The following EIF3D variants were observed in gnomAD, a reference collection of about 807,000 sequenced individuals.
EIF3D encodes the protein eIF3 p66.
A neutral mutation model predicts 75.4 loss-of-function variants in EIF3D; 10 were observed. The ratio of observed to expected loss-of-function variants is 0.13; its 90% CI spans 0.08 to 0.22. The LOEUF (loss-of-function observed/expected upper bound fraction) is 0.22. EIF3D is among the 10% of genes least tolerant of loss of function. The pLI is 1.00. For synonymous variants in EIF3D, 246 were observed against 248.3 expected, an observed-to-expected ratio of 0.99 and a Z score of 0.09; for missense variants, 394 against 708.0, an observed-to-expected ratio of 0.56 and a Z score of 5.03.
In EIF3D at chr22:36,511,570, G is replaced by A. The variant is rs1934337222; in HGVS notation, c.1566C>T (p.Leu522=). The change falls in exon 14 of 15, where the codon CTC becomes CTT. Residue 522 remains leucine, a synonymous_variant. Transcript: ENST00000216190. ...PNKQVIRVYS[L]PDGTFSSDED... ...CATCAGAGCTGAAGGTGCCATCAGG[G>A]AGGCTGTAGACACGGATGACCTGCT... 6.2e-7 allele frequency: 1 copy of A among 1,614,054 alleles called. No individual in the cohort carries two copies. The highest frequency in any genetic ancestry group is 8.5e-7 in the Non-Finnish European group (1 of 1,179,984).
intron 8 of EIF3D, 31 bp from the exon 9 acceptor site, chr22:36,518,941 A>G (rs1934469662): frequency 6.2e-7 from 1 of 1,611,200 alleles, no homozygotes; most frequent in Admixed American, 1.7e-5. Context: ...AGAAGATGGA[A>G]AGACACTCCC....
rs1442048740 is a variant in EIF3D, at chr22:36,518,821, A to T, written c.801T>A (p.Ile267=). The change falls in exon 9 of 15, where the codon ATT becomes ATA. Residue 267 remains isoleucine, a synonymous_variant. Coordinates refer to ENST00000216190, the MANE Select transcript of EIF3D (RefSeq NM_003753.4). ...GTTTGGACCCAACTCTCTGGACGAC[A>T]ATATCCCAGGAATACACTGAGCGGG... ...SCTRSVYSWD[I]VVQRVGSKLF... is the part of the protein sequence containing the mutation. The T allele has an allele frequency of 1.9e-6, 3 of 1,614,244 alleles. No homozygotes were observed. The highest frequency in any genetic ancestry group is 1.3e-5 in the African/African-American group (1 of 75,060).
intron 14 of EIF3D, chr22:36,511,220 T>C: frequency 1.2e-6 from 1 of 806,046 alleles, no homozygotes; most frequent in Non-Finnish European, 1.9e-6. Context: ...GAGCGGAGCT[T>C]TTCCCTCTAG....
At position 36,525,645 on chromosome 22, in the gene EIF3D, C is replaced by T. The variant is rs372502917; in HGVS notation, c.169+19G>A. The stretch of plus-strand genomic sequence containing the variant: ...TTCCCAAGGCCCTGATTGGGGCATT[C>T]AGTTGCAGAAACACTTACTTGTGTA... On this transcript the variant is annotated intron_variant, in intron 3 of 14. Transcript: ENST00000216190. 3.7e-6 allele frequency: 6 copies of T among 1,611,760 alleles called. No individual in the cohort carries two copies. Among genetic ancestry groups the T allele is most frequent in the Non-Finnish European group, 5.1e-6 (6 of 1,179,412 alleles).
At chr22:36,515,215 C>A (rs1934403506) in intron 12 of EIF3D, among the ~76,000 whole-genome samples, 1 of 152,212 alleles carries the variant, frequency 6.6e-6, no homozygotes, top group African/African-American at 2.4e-5. Flanking sequence ...TTCTAACCTA[C>A]AAAACCGTGA....
Position 36,510,966 on chromosome 22 carries a change from C to T in EIF3D, c.*21G>A. On this transcript the variant is annotated 3_prime_UTR_variant, in exon 15 of 15. Transcript: ENST00000216190. Reference sequence around the variant, plus strand: ...CTCGTAGTCTCGGTGGAAGGACAAACTCCAGCTCCACATCACTGGTTTAAG... The same window carrying T: ...CTCGTAGTCTCGGTGGAAGGACAAATTCCAGCTCCACATCACTGGTTTAAG... 6.2e-7 allele frequency: 1 copy of T among 1,603,766 alleles called. No homozygotes were observed. The highest frequency in any genetic ancestry group is 8.5e-7 in the Non-Finnish European group (1 of 1,176,112).
rs981561527 is a variant in EIF3D, at chr22:36,510,872, T to C, written c.*115A>G. 3.8e-5 allele frequency: 48 copies of C among 1,253,364 alleles called. 1 individual carries two copies. The South Asian group carries it at 6.5e-4, about 17-fold the overall frequency. 77.6% of individuals were successfully genotyped at this position (1,253,364 alleles called of 1,614,324 possible). On this transcript the variant is annotated 3_prime_UTR_variant, in exon 15 of 15. Transcript: ENST00000216190. ...CGATGAGGGAAAGACTAAACAGATA[T>C]ATATTTTATTTCATCTGCTAAATGT...
chr22:36,526,775 G>C (rs7288480), intron 1 of EIF3D: 27,340 of 152,050 alleles, frequency 0.18, 2,558 homozygotes, highest in Admixed American at 0.21. Flanking sequence ...TTTTAGTGGA[G>C]ACAGGGTTTC....
chr22:36,511,160 AG>A (rs1478159481), intron 14 of EIF3D, 160 bp from the exon 15 acceptor site: 1 of 946,610 alleles, frequency 1.1e-6, no homozygotes. Flanking sequence ...TATTTCCTTC[AG>A]TCACCAGCTG....
chr22:36,525,393 G>A (rs1241302521), intron 3 of EIF3D, among the ~76,000 whole-genome samples: 2 of 151,900 alleles, frequency 1.3e-5, no homozygotes, highest in East Asian at 3.9e-4. Flanking sequence ...ACAGGTGCAC[G>A]CCACCACGCC....
At chr22:36,526,255 C>G in intron 1 of EIF3D, 124 bp from the exon 2 acceptor site, 1 of 1,053,750 alleles carries the variant, frequency 9.5e-7, no homozygotes, top group South Asian at 2.2e-5. Flanking sequence ...AAAATGGAAC[C>G]CTCAACTGTT....
chr22:36,514,058 C>T (rs1312805830), intron 12 of EIF3D, among the ~76,000 whole-genome samples: 1 of 144,446 alleles, frequency 6.9e-6, no homozygotes, highest in Non-Finnish European at 1.5e-5. Flanking sequence ...ATTCAGAAGA[C>T]AGCAAAGCCT....
chr22:36,521,891 C>T (rs1156520996), intron 6 of EIF3D, among the ~76,000 whole-genome samples: 2 of 151,432 alleles, frequency 1.3e-5, no homozygotes, highest in African/African-American at 2.4e-5. Flanking sequence ...GAGCCAAGAT[C>T]GCGCCACTGG....
chr22:36,518,301 G>A (rs960304404), intron 9 of EIF3D, among the ~76,000 whole-genome samples: 39 of 151,236 alleles, frequency 2.6e-4, no homozygotes, highest in Non-Finnish European at 3.3e-4. Flanking sequence ...GACCAGCCTC[G>A]CCAACATGGT....
At chr22:36,524,557 A>G (rs1934565684) in intron 4 of EIF3D, 39 bp downstream of exon 4, 1 of 1,611,890 alleles carries the variant, frequency 6.2e-7, no homozygotes. Context: ...GCCAACAGTA[A>G]CAGCCCCAAG....
At chr22:36,517,527 G>A (rs1384394372) in intron 9 of EIF3D, 96 bp from the exon 10 acceptor site, 1 of 1,404,564 alleles carries the variant, frequency 7.1e-7, no homozygotes, top group Non-Finnish European at 9.4e-7. Flanking sequence ...AACAACACAA[G>A]TCCTTCCTTC....
chr22:36,514,263 A>G (rs1252485444), intron 12 of EIF3D, among the ~76,000 whole-genome samples: 1 of 152,198 alleles, frequency 6.6e-6, no homozygotes, highest in Non-Finnish European at 1.5e-5. Context: ...AGTAGATTTG[A>G]GAAATCATTT....
intron 12 of EIF3D, chr22:36,513,077 A>C (rs1477102731): frequency 2.6e-5 from 4 of 155,012 alleles, no homozygotes; most frequent in African/African-American, 9.6e-5. Context: ...TGGGGGTGGA[A>C]GCCTGCAGTG....
intron 9 of EIF3D, among the ~76,000 whole-genome samples, chr22:36,518,119 A>T (rs3827349): frequency 0.39 from 58,651 of 152,010 alleles, 15,076 homozygotes; most frequent in African/African-American, 0.74. Flanking sequence ...TGGTATAAAA[A>T]ATATATATGT....
Sources: gnomAD v4.1 joint callset for allele counts (sites outside exome capture counted in the v4.1 genomes callset) on GRCh38, gnomAD v4.1.1 for gene constraint, MANE v1.5 for transcripts, NCBI Gene and HGNC (gene_info 2026-07-23, HGNC 2026-07-21) for gene names.